UNC13C: variants seen among roughly 807,000 people sequenced by gnomAD.
The protein encoded by UNC13C is protein unc-13 homolog C.
In UNC13C, 174 loss-of-function variants were observed where a neutral mutation model predicts 245.4. That is an observed-to-expected ratio of 0.71 (90% CI 0.63 to 0.80). The LOEUF (loss-of-function observed/expected upper bound fraction) is 0.80, where lower values mean the gene tolerates loss of function less well. UNC13C is among the 30% of genes least tolerant of loss of function. UNC13C has a pLI of 0.00. For missense variants in UNC13C, 2,829 were observed against 2,602.9 expected, an observed-to-expected ratio of 1.09 and a Z score of -1.89; for synonymous variants, 992 against 895.1, an observed-to-expected ratio of 1.11 and a Z score of -1.93.
the UNC13C span, chr15:53,912,992 A>G: frequency 6.6e-6 from 1 of 152,208 alleles, no homozygotes; most frequent in East Asian, 1.9e-4. Flanking sequence ...TTGTGATGGG[A>G]CTTGGCTAAT....
intron 4 of UNC13C, among the ~76,000 whole-genome samples, chr15:54,170,252 C>T (rs1479096314): frequency 2.6e-5 from 4 of 151,664 alleles, no homozygotes; most frequent in East Asian, 1.9e-4. Flanking sequence ...AAATATACAA[C>T]GTGTTAATAA....
chr15:53,924,651 TAC>T, the UNC13C span, among the ~76,000 whole-genome samples: 1 of 152,180 alleles, frequency 6.6e-6, no homozygotes, highest in Non-Finnish European at 1.5e-5. Flanking sequence ...CTCAGAAAAT[TAC>T]AGTGACTTGA....
At chr15:54,128,666 C>G (rs1162267847) in intron 2 of UNC13C, among the ~76,000 whole-genome samples, 1 of 152,144 alleles carries the variant, frequency 6.6e-6, no homozygotes, top group African/African-American at 2.4e-5. Context: ...AAAGGGAGTT[C>G]TGATTCATTT....
intron 10 of UNC13C, among the ~76,000 whole-genome samples, chr15:54,281,856 A>G (rs1393567973): frequency 6.6e-6 from 1 of 152,154 alleles, no homozygotes; most frequent in African/African-American, 2.4e-5. Flanking sequence ...GTGAACTCTC[A>G]TTTTTATTTT....
intron 2 of UNC13C, among the ~76,000 whole-genome samples, chr15:54,024,116 T>G (rs377170957): frequency 3.9e-5 from 6 of 152,282 alleles, no homozygotes; most frequent in African/African-American, 1.2e-4. Context: ...TGGGGCAATT[T>G]AGGCTCTGGC....
rs2031820040 is a variant in UNC13C at position 54,137,949 on chromosome 15, G to T, written c.2984-5069G>T. 2.6e-5 allele frequency among the ~76,000 whole-genome samples: 4 copies of T among 151,698 alleles called. No individual in the cohort carries two copies. The South Asian group carries it at 8.4e-4, about 32-fold the overall frequency. On this transcript the variant is annotated intron_variant, in intron 2 of 32. Transcript: ENST00000260323. ...ATTTGAGATCTTTTTTTAAATGTGG[G>T]TATTTATCACTGTATCCCTCTTAGA... is the stretch of plus-strand genomic sequence containing the variant.
At chr15:54,478,121 T>C (rs1321422605) in intron 19 of UNC13C, among the ~76,000 whole-genome samples, 2 of 151,762 alleles carry the variant, frequency 1.3e-5, no homozygotes, top group East Asian at 1.9e-4. Context: ...TATTCTCTGA[T>C]GGTAGTTTGT....
At chr15:54,223,389 A>G (rs115631616) in intron 4 of UNC13C, among the ~76,000 whole-genome samples, 1 of 152,074 alleles carries the variant, frequency 6.6e-6, no homozygotes, top group African/African-American at 2.4e-5. Flanking sequence ...TTTGTTGAAA[A>G]TGAATTCACT....
rs766102401 is a variant in UNC13C at position 54,340,308 on chromosome 15, CTTTG to C, written c.4713+1823_4713+1826del. 1.3e-3 allele frequency among the ~76,000 whole-genome samples: 192 copies of C among 152,120 alleles called. 1 individual carries two copies. Among genetic ancestry groups the C allele is most frequent in the Non-Finnish European group, 2.2e-3 (152 of 67,952 alleles). ...GTTTAATTAAATCCCACCTATTTAT[CTTTG>C]TTTTTGTTGCATTTGCTTTTAGGTT... On this transcript the variant is annotated intron_variant, in intron 17 of 32. Transcript: ENST00000260323.
chr15:54,569,129 A>G (rs1007673313), intron 30 of UNC13C, among the ~76,000 whole-genome samples: 1 of 152,166 alleles, frequency 6.6e-6, no homozygotes, highest in Non-Finnish European at 1.5e-5. Context: ...ATAGTGTTGT[A>G]GCTTTACTCC....
chr15:54,107,502 G>C (rs1310158707), intron 2 of UNC13C, among the ~76,000 whole-genome samples: 1 of 152,122 alleles, frequency 6.6e-6, no homozygotes, highest in East Asian at 1.9e-4. Context: ...ATGATGACCT[G>C]GTTCCCATTT....
At chr15:54,525,831 A>T (rs1472589284) in intron 25 of UNC13C, among the ~76,000 whole-genome samples, 194 bp downstream of exon 25, 1 of 152,084 alleles carries the variant, frequency 6.6e-6, no homozygotes, top group East Asian at 1.9e-4. Flanking sequence ...ACTCCCTAGA[A>T]CTCTGTGCAT....
At chr15:54,317,297 T>C (rs556520278) in intron 13 of UNC13C, among the ~76,000 whole-genome samples, 1 of 151,978 alleles carries the variant, frequency 6.6e-6, no homozygotes, top group African/African-American at 2.4e-5. Context: ...TTAAACTATA[T>C]AACTCAAGAC....
At position 54,347,326 on chromosome 15, in the gene UNC13C, A is replaced by T. The variant is rs560766816; in HGVS notation, c.4713+8837A>T. On this transcript the variant is annotated intron_variant, in intron 17 of 32. Transcript: ENST00000260323. ...CCTCCACACCTACCCTGAGATCAAA[A>T]CTTGTTTACACAGAGATCATCCACA... Among the ~76,000 whole-genome samples, 3 of 152,260 alleles carry T rather than the reference A, an allele frequency of 2.0e-5. No individual in the cohort carries two copies. In the East Asian group the frequency reaches 5.8e-4, roughly 29 times the overall value.
the UNC13C span, among the ~76,000 whole-genome samples, chr15:53,972,240 T>C: frequency 6.6e-6 from 1 of 152,202 alleles, no homozygotes; most frequent in East Asian, 1.9e-4. Flanking sequence ...CCGATGCTTA[T>C]AAGAGCTTCT....
intron 2 of UNC13C, among the ~76,000 whole-genome samples, chr15:54,105,623 T>A (rs1245976207): frequency 6.7e-6 from 1 of 149,634 alleles, no homozygotes; most frequent in African/African-American, 2.5e-5. Context: ...GTAAACACTA[T>A]TAACTACACA....
chr15:54,184,630 G>T (rs142196096), intron 4 of UNC13C, among the ~76,000 whole-genome samples: 24,903 of 152,104 alleles, frequency 0.16, 2,579 homozygotes, highest in East Asian at 0.24. Context: ...GTATTCCATG[G>T]TGTATATGTG....
chr15:54,011,878 A>G (rs1425939377), intron 1 of UNC13C, among the ~76,000 whole-genome samples: 1 of 152,364 alleles, frequency 6.6e-6, no homozygotes, highest in East Asian at 1.9e-4. Context: ...ATAAAAGAGC[A>G]GATTTCTGAG....
Position 54,113,371 on chromosome 15 carries a change from G to A in UNC13C, c.2984-29647G>A, listed in dbSNP as rs200549618. ...GGAAAATCAGCATATTTTAACAGTTGGTTAAAGAAGAATATAAGCAGAAAA... is the reference window on the plus strand; with the variant it reads ...GGAAAATCAGCATATTTTAACAGTTAGTTAAAGAAGAATATAAGCAGAAAA... On this transcript the variant is annotated intron_variant, in intron 2 of 32. Coordinates refer to ENST00000260323, the MANE Select transcript of UNC13C (RefSeq NM_001080534.3). Among the ~76,000 whole-genome samples the A allele has an allele frequency of 1.9e-4, 29 of 152,210 alleles. No individual in the cohort carries two copies. In the East Asian group the frequency reaches 5.4e-3, roughly 28 times the overall value.
Sources: allele counts gnomAD v4.1 joint callset (sites outside exome capture counted in the v4.1 genomes callset), GRCh38; gene constraint gnomAD v4.1.1; transcripts MANE v1.5; gene names NCBI Gene and HGNC (gene_info 2026-07-23, HGNC 2026-07-21).